GRIP1: variants seen among roughly 807,000 people sequenced by gnomAD.
GRIP1 encodes glutamate receptor-interacting protein 1.
Under a neutral mutation model 129.9 loss-of-function variants are expected in GRIP1, and 45 were observed. That is an observed-to-expected ratio of 0.35 (90% confidence interval 0.27 to 0.44). GRIP1 has a LOEUF of 0.44. GRIP1 is among the 20% of genes least tolerant of loss of function. The probability of loss-of-function intolerance (pLI) is 1.00; values close to 1 mark genes in which losing one functional copy is unlikely to be tolerated. For missense variants in GRIP1, 1,196 were observed against 1,396.8 expected, an observed-to-expected ratio of 0.86 and a Z score of 2.29; for synonymous variants, 530 against 520.8, an observed-to-expected ratio of 1.02 and a Z score of -0.24.
chr12:66,681,350 C>T (rs1303263757), upstream of GRIP1, among the ~76,000 whole-genome samples: 1 of 152,128 alleles, frequency 6.6e-6, no homozygotes, highest in Non-Finnish European at 1.5e-5. Flanking sequence ...CCTCCCTTTG[C>T]CTAATGCAAG....
intron 1 of GRIP1, among the ~76,000 whole-genome samples, chr12:66,938,742 A>C (rs1315401876): frequency 6.6e-6 from 1 of 152,110 alleles, no homozygotes; most frequent in Non-Finnish European, 1.5e-5. Context: ...GCAGATCACC[A>C]GGTCAGGAGA....
chr12:66,744,786 C>T (rs1416575562), intron 1 of GRIP1, among the ~76,000 whole-genome samples: 2 of 152,126 alleles, frequency 1.3e-5, no homozygotes, highest in African/African-American at 4.8e-5. Flanking sequence ...TTCCTTCATC[C>T]TTTGAGTAAC....
At chr12:66,363,100 T>G (rs1387361137) in intron 23 of GRIP1, among the ~76,000 whole-genome samples, 1 of 148,664 alleles carries the variant, frequency 6.7e-6, no homozygotes, top group African/African-American at 2.5e-5. Context: ...ATATCATATA[T>G]ATATCCTACT....
At chr12:66,656,968 T>C (rs567878150) in intron 1 of GRIP1, among the ~76,000 whole-genome samples, 28 of 152,278 alleles carry the variant, frequency 1.8e-4, no homozygotes, top group African/African-American at 6.7e-4. Context: ...CTCTACTAGA[T>C]TGACCTAGTA....
At chr12:66,464,145 T>C (rs2138338426) in intron 8 of GRIP1, among the ~76,000 whole-genome samples, 1 of 152,298 alleles carries the variant, frequency 6.6e-6, no homozygotes, top group East Asian at 1.9e-4. Flanking sequence ...AAATTCCCAG[T>C]GTGAATAGTC....
chr12:66,848,102 T>A (rs2039850212), intron 1 of GRIP1, among the ~76,000 whole-genome samples: 1 of 152,160 alleles, frequency 6.6e-6, no homozygotes, highest in Non-Finnish European at 1.5e-5. Context: ...TCATATTAAA[T>A]CAATAGTGGG....
At chr12:66,563,188 G>A (rs559791350) in intron 2 of GRIP1, among the ~76,000 whole-genome samples, 42 of 151,838 alleles carry the variant, frequency 2.8e-4, no homozygotes, top group Non-Finnish European at 5.0e-4. Context: ...CTGTGTGTGT[G>A]TATATATACA....
intron 1 of GRIP1, among the ~76,000 whole-genome samples, chr12:66,812,820 T>A (rs2039129296): frequency 6.6e-6 from 1 of 152,234 alleles, no homozygotes; most frequent in South Asian, 2.1e-4. Flanking sequence ...ACATACTTTT[T>A]AGGAGGAAAA....
chr12:67,011,656 T>C (rs192756019), intron 1 of GRIP1, among the ~76,000 whole-genome samples: 57 of 152,198 alleles, frequency 3.7e-4, no homozygotes, highest in Non-Finnish European at 6.8e-4. Flanking sequence ...TCCTACTTTC[T>C]CAAGAAGGTT....
At chr12:66,717,728 T>C (rs2035937490) in intron 1 of GRIP1, among the ~76,000 whole-genome samples, 1 of 152,202 alleles carries the variant, frequency 6.6e-6, no homozygotes, top group Non-Finnish European at 1.5e-5. Flanking sequence ...GTCTTTTCTT[T>C]AACTATAAAT....
chr12:66,360,600 G>A (rs986426195), intron 23 of GRIP1, among the ~76,000 whole-genome samples: 13 of 152,176 alleles, frequency 8.5e-5, no homozygotes, highest in African/African-American at 3.1e-4. Context: ...TGCTACAATT[G>A]CTTCTAACCC....
At chr12:66,541,667 C>T (rs1274979007) in intron 3 of GRIP1, 148 bp downstream of exon 3, 7 of 836,986 alleles carry the variant, frequency 8.4e-6, no homozygotes, top group African/African-American at 6.6e-5. Context: ...GCTTCTGAAA[C>T]GTGCCCCACT....
chr12:66,414,742 G>A lies in GRIP1; in HGVS notation c.1838+5978C>T, dbSNP rs371629001. On this transcript the variant is annotated intron_variant, in intron 15 of 24. Transcript: ENST00000359742. ...AAAACAGCACGGTACTGGTACAAAA[G>A]CAGACATATAGACCAAAGGAACAGA... is the stretch of plus-strand genomic sequence containing the variant. Among the ~76,000 whole-genome samples the A allele has an allele frequency of 1.0e-3, 154 of 151,652 alleles. 1 individual carries two copies. Among genetic ancestry groups the A allele is most frequent in the African/African-American group, 3.4e-3 (141 of 41,350 alleles).
At chr12:67,010,586 A>AGTT (rs2135713434) in intron 1 of GRIP1, among the ~76,000 whole-genome samples, 1 of 152,298 alleles carries the variant, frequency 6.6e-6, no homozygotes, top group African/African-American at 2.4e-5. Flanking sequence ...AATGTTAGAG[A>AGTT]GTTTCAAAAC....
chr12:66,543,014 G>A (rs2061833926), intron 2 of GRIP1, among the ~76,000 whole-genome samples: 1 of 152,112 alleles, frequency 6.6e-6, no homozygotes, highest in African/African-American at 2.4e-5. Context: ...TATTTATAAT[G>A]TTGAAAATAT....
intron 1 of GRIP1, among the ~76,000 whole-genome samples, chr12:66,722,962 T>C (rs2036105347): frequency 6.6e-6 from 1 of 152,016 alleles, no homozygotes; most frequent in Non-Finnish European, 1.5e-5. Context: ...TTCATAATAT[T>C]GAAGCCCTTT....
chr12:66,352,784 A>G (rs1278615047), intron 24 of GRIP1, among the ~76,000 whole-genome samples: 2 of 151,666 alleles, frequency 1.3e-5, no homozygotes, highest in African/African-American at 4.8e-5. Flanking sequence ...AAGGTCCGTC[A>G]TCAACCCTCC....
At chr12:66,745,188 A>C (rs2036907445) in intron 1 of GRIP1, among the ~76,000 whole-genome samples, 1 of 152,178 alleles carries the variant, frequency 6.6e-6, no homozygotes, top group Non-Finnish European at 1.5e-5. Context: ...TAGTCAGTAA[A>C]AAGGACTGCA....
At chr12:66,648,734 C>A (rs79716759) in intron 1 of GRIP1, among the ~76,000 whole-genome samples, 1 of 152,314 alleles carries the variant, frequency 6.6e-6, no homozygotes, top group East Asian at 1.9e-4. Flanking sequence ...TTTTGAGGTT[C>A]ACTTATGGCA....
Sources: gnomAD v4.1 joint callset for allele counts (sites outside exome capture counted in the v4.1 genomes callset) on GRCh38, gnomAD v4.1.1 for gene constraint, MANE v1.5 for transcripts, NCBI Gene and HGNC (gene_info 2026-07-23, HGNC 2026-07-21) for gene names.